The following VTI1A variants were observed in gnomAD, a reference collection of about 807,000 sequenced individuals.
The protein encoded by VTI1A is vesicle transport through interaction with t-SNAREs homolog 1A.
A neutral mutation model predicts 34.9 loss-of-function variants in VTI1A; 22 were observed. The observed-to-expected ratio is 0.63, with a 90% CI of 0.45 to 0.90. The LOEUF (loss-of-function observed/expected upper bound fraction) is 0.90, where lower values mean the gene tolerates loss of function less well. VTI1A is among the 40% of genes least tolerant of loss of function. VTI1A has a pLI of 0.00. For synonymous variants in VTI1A, 87 were observed against 97.3 expected (o/e 0.89, Z 0.62); for missense variants, 268 against 275.6 (o/e 0.97, Z 0.20).
chr10:112,601,515 C>G (rs1844876552), intron 5 of VTI1A, among the ~76,000 whole-genome samples: 1 of 151,640 alleles, frequency 6.6e-6, no homozygotes, highest in Non-Finnish European at 1.5e-5. Flanking sequence ...AACCAGGCAC[C>G]AATGCCTTGT....
chr10:112,726,616 A>C (rs189674172), intron 7 of VTI1A, among the ~76,000 whole-genome samples: 52 of 152,358 alleles, frequency 3.4e-4, no homozygotes, highest in African/African-American at 1.1e-3. Context: ...TTAAGGAGTT[A>C]GTTTATCTTA....
At chr10:112,705,951 T>C (rs1424237265) in intron 7 of VTI1A, among the ~76,000 whole-genome samples, 1 of 152,218 alleles carries the variant, frequency 6.6e-6, no homozygotes, top group Non-Finnish European at 1.5e-5. Context: ...CTTTTGTCGT[T>C]GTTGTTTTTG....
At chr10:112,456,352 G>A (rs1048000211) in intron 1 of VTI1A, among the ~76,000 whole-genome samples, 1 of 151,418 alleles carries the variant, frequency 6.6e-6, no homozygotes, top group Non-Finnish European at 1.5e-5. Flanking sequence ...AACCTGGGAG[G>A]TGGAGGTTGC....
At chr10:112,691,712 A>C (rs1430833078) in intron 7 of VTI1A, among the ~76,000 whole-genome samples, 1 of 152,180 alleles carries the variant, frequency 6.6e-6, no homozygotes, top group Admixed American at 6.5e-5. Context: ...CTCTTTCCTG[A>C]TGGGAGGGTA....
intron 7 of VTI1A, among the ~76,000 whole-genome samples, chr10:112,798,009 G>A (rs1162203879): frequency 6.6e-6 from 1 of 151,852 alleles, no homozygotes; most frequent in African/African-American, 2.4e-5. Context: ...ACACTTTGTC[G>A]TGGGACCTCT....
At chr10:112,614,948 T>C (rs1589976229) in intron 5 of VTI1A, among the ~76,000 whole-genome samples, 1 of 152,116 alleles carries the variant, frequency 6.6e-6, no homozygotes, top group Non-Finnish European at 1.5e-5. Context: ...CATAGGAAAG[T>C]AGCTTTTAAA....
At chr10:112,664,952 T>C (rs935031280) in intron 5 of VTI1A, among the ~76,000 whole-genome samples, 3 of 152,182 alleles carry the variant, frequency 2.0e-5, no homozygotes, top group African/African-American at 7.2e-5. Context: ...AAGAAGACCC[T>C]CGCAGTCAAC....
At chr10:112,714,484 G>C (rs1220804670) in intron 7 of VTI1A, among the ~76,000 whole-genome samples, 1 of 152,220 alleles carries the variant, frequency 6.6e-6, no homozygotes, top group African/African-American at 2.4e-5. Context: ...AGTTGGCATA[G>C]AGTAAGGACT....
At chr10:112,758,082 T>A (rs940994765) in intron 7 of VTI1A, among the ~76,000 whole-genome samples, 1 of 152,206 alleles carries the variant, frequency 6.6e-6, no homozygotes, top group Non-Finnish European at 1.5e-5. Flanking sequence ...ATAGCAGTTA[T>A]GCAATAACTA....
intron 7 of VTI1A, among the ~76,000 whole-genome samples, chr10:112,714,667 G>A (rs567591084): frequency 1.3e-5 from 2 of 152,224 alleles, no homozygotes; most frequent in African/African-American, 4.8e-5. Flanking sequence ...TCTTTAAAGG[G>A]CCAATTTAAA....
intron 3 of VTI1A, among the ~76,000 whole-genome samples, chr10:112,493,475 T>C (rs1281549845): frequency 6.6e-6 from 1 of 152,160 alleles, no homozygotes; most frequent in African/African-American, 2.4e-5. Flanking sequence ...TTTTTATTTT[T>C]CCCTTTTTCC....
chr10:112,728,363 G>A (rs913589343), intron 7 of VTI1A, among the ~76,000 whole-genome samples: 1 of 152,188 alleles, frequency 6.6e-6, no homozygotes, highest in African/African-American at 2.4e-5. Flanking sequence ...TATAAATTTT[G>A]TGGAAATAAC....
At chr10:112,516,145 G>A (rs1317929108) in intron 3 of VTI1A, among the ~76,000 whole-genome samples, 2 of 152,068 alleles carry the variant, frequency 1.3e-5, no homozygotes, top group African/African-American at 4.8e-5. Flanking sequence ...GGAGCTTCTT[G>A]TGCAGATAAC....
chr10:112,452,854 A>G (rs1024962066), intron 1 of VTI1A, among the ~76,000 whole-genome samples: 1 of 152,136 alleles, frequency 6.6e-6, no homozygotes, highest in Admixed American at 6.5e-5. Flanking sequence ...TGTGATTAAC[A>G]TCATGTTAAT....
the VTI1A span, among the ~76,000 whole-genome samples, chr10:112,842,050 C>CTTTTTTTTTTTTTTTTTT: frequency 2.1e-4 from 20 of 93,138 alleles, no homozygotes; most frequent in African/African-American, 2.4e-4. Flanking sequence ...TTTTTTTTTT[C>CTTTTTTTTTTTTTTTTTT]CTTTTTTTTT....
At chr10:112,828,442 G>A in the VTI1A span, among the ~76,000 whole-genome samples, 1 of 152,004 alleles carries the variant, frequency 6.6e-6, no homozygotes, top group Non-Finnish European at 1.5e-5. Context: ...GTCTCGCTCT[G>A]TTGCCCTGGC....
chr10:112,461,753 T>C (rs1847735868), intron 2 of VTI1A, among the ~76,000 whole-genome samples: 1 of 152,234 alleles, frequency 6.6e-6, no homozygotes, highest in African/African-American at 2.4e-5. Context: ...AGTCTCACTC[T>C]GTCACCCAGA....
chr10:112,795,328 A>G (rs963167617), intron 7 of VTI1A, among the ~76,000 whole-genome samples: 5 of 152,194 alleles, frequency 3.3e-5, no homozygotes, highest in African/African-American at 1.2e-4. Flanking sequence ...AGGATTAAAT[A>G]AAATAATTTG....
At chr10:112,581,122 C>G (rs138938858) in intron 5 of VTI1A, among the ~76,000 whole-genome samples, 1 of 152,160 alleles carries the variant, frequency 6.6e-6, no homozygotes, top group African/African-American at 2.4e-5. Context: ...TAGGTCACCC[C>G]GTGGGAGCTC....
Sources: gnomAD v4.1 joint callset for allele counts (sites outside exome capture counted in the v4.1 genomes callset) on GRCh38, gnomAD v4.1.1 for gene constraint, MANE v1.5 for transcripts, NCBI Gene and HGNC (gene_info 2026-07-23, HGNC 2026-07-21) for gene names.